APBB2: variants seen among roughly 807,000 people sequenced by gnomAD.
APBB2 encodes the protein amyloid beta precursor protein binding family B member 2, also known as Fe65-like 1.
A neutral mutation model predicts 82.5 loss-of-function variants in APBB2; 38 were observed. The observed-to-expected ratio is 0.46, with a 90% CI of 0.36 to 0.60. APBB2 has a LOEUF of 0.60. Ranked by LOEUF, APBB2 falls within the 20% of genes least tolerant of loss-of-function variation. The pLI is 0.00. For missense variants in APBB2, 772 were observed against 972.3 expected, an observed-to-expected ratio of 0.79 and a Z score of 2.74; for synonymous variants, 341 against 368.2, an observed-to-expected ratio of 0.93 and a Z score of 0.85.
At chr4:41,161,506 T>A (rs2154040044) in intron 1 of APBB2, among the ~76,000 whole-genome samples, 1 of 152,264 alleles carries the variant, frequency 6.6e-6, no homozygotes, top group African/African-American at 2.4e-5. Flanking sequence ...CTCAGGAGGC[T>A]GAGGTGGGAG....
At chr4:40,949,126 C>T (rs189158468) in intron 6 of APBB2, among the ~76,000 whole-genome samples, 1 of 152,002 alleles carries the variant, frequency 6.6e-6, no homozygotes, top group East Asian at 1.9e-4. Flanking sequence ...AAAAATTAGT[C>T]GGGCATGGTG....
intron 12 of APBB2, among the ~76,000 whole-genome samples, chr4:40,887,313 T>A (rs1340347495): frequency 6.6e-6 from 1 of 152,236 alleles, no homozygotes; most frequent in Non-Finnish European, 1.5e-5. Context: ...ACTCTGGATT[T>A]GCAGAAAGAT....
chr4:41,145,149 G>T (rs559259702), intron 1 of APBB2, among the ~76,000 whole-genome samples: 1 of 152,140 alleles, frequency 6.6e-6, no homozygotes, highest in South Asian at 2.1e-4. Context: ...ATAAATAAAA[G>T]AATGCCTCCT....
At chr4:41,033,627 A>G (rs1459038201) in intron 4 of APBB2, among the ~76,000 whole-genome samples, 1 of 106,654 alleles carries the variant, frequency 9.4e-6, no homozygotes, top group Non-Finnish European at 2.2e-5. Flanking sequence ...CACACAATTC[A>G]GCACCACTAC....
intron 5 of APBB2, among the ~76,000 whole-genome samples, chr4:41,015,664 T>C (rs1809697960): frequency 6.6e-6 from 1 of 152,190 alleles, no homozygotes; most frequent in East Asian, 1.9e-4. Context: ...CTCTAGGCCA[T>C]GGCCATTTTT....
chr4:41,000,084 T>TGC (rs1390461340), intron 6 of APBB2, among the ~76,000 whole-genome samples: 2 of 138,372 alleles, frequency 1.4e-5, no homozygotes, highest in Non-Finnish European at 3.1e-5. Context: ...TGTGTGTGTG[T>TGC]GTGTGTGTGT....
rs1748042383 is a variant in APBB2, at chr4:40,821,808, G to T, written c.2112+63C>A. On this transcript the variant is annotated intron_variant, in intron 17 of 17. Coordinates refer to ENST00000508593, the MANE Select transcript of APBB2 (RefSeq NM_004307.2). The stretch of plus-strand genomic sequence containing the variant: ...TTTCCGTGAGTGATTCTGCTATAAT[G>T]TATGGCATATTAGAGATGAGCAGAG... 2.6e-6 allele frequency: 4 copies of T among 1,567,706 alleles called. No individual in the cohort carries two copies. In the Admixed American group the frequency reaches 5.2e-5, roughly 21 times the overall value.
intron 10 of APBB2, among the ~76,000 whole-genome samples, chr4:40,919,236 A>G (rs1032974439): frequency 6.6e-6 from 1 of 152,220 alleles, no homozygotes; most frequent in Non-Finnish European, 1.5e-5. Flanking sequence ...ACGCACATGC[A>G]CTTACTAAAT....
Position 41,075,837 on chromosome 4 carries a change from CA to C in APBB2, c.-148-10165del, listed in dbSNP as rs1196173306. ...ACCAACAAAACAGTATCACTTAGTT[CA>C]TTTTGACAGTGAGAGTAATAATCTC... On this transcript the variant is annotated intron_variant, in intron 3 of 17. Transcript: ENST00000508593. Among the ~76,000 whole-genome samples, 23 of 152,164 alleles carry C rather than the reference CA, an allele frequency of 1.5e-4. 2 individuals are homozygous for C. The highest frequency in any genetic ancestry group is 2.9e-5 in the Non-Finnish European group (2 of 68,036).
intron 6 of APBB2, among the ~76,000 whole-genome samples, chr4:40,966,569 G>A (rs1263353854): frequency 6.6e-6 from 1 of 152,206 alleles, no homozygotes; most frequent in East Asian, 1.9e-4. Flanking sequence ...TGCAGGCTCA[G>A]AAGTGCCTGT....
At position 41,171,005 on chromosome 4, in the gene APBB2, C is replaced by A. The variant is rs1768086417; in HGVS notation, c.-416-27863G>T. On this transcript the variant is annotated intron_variant, in intron 1 of 17. Coordinates refer to ENST00000508593, the MANE Select transcript of APBB2 (RefSeq NM_004307.2). ...AACATCCAGTGACTCAAGTATCAGTCCCCTTGACAGGTCTGCAGGGATGGC... is the reference window on the plus strand; with the variant it reads ...AACATCCAGTGACTCAAGTATCAGTACCCTTGACAGGTCTGCAGGGATGGC... Among the ~76,000 whole-genome samples, 5 of 152,314 alleles carry A rather than the reference C, an allele frequency of 3.3e-5. No individual in the cohort carries two copies. The South Asian group carries it at 1.0e-3, about 32-fold the overall frequency.
chr4:41,015,543 G>A (rs1809665229), intron 5 of APBB2, among the ~76,000 whole-genome samples: 1 of 152,214 alleles, frequency 6.6e-6, no homozygotes, highest in South Asian at 2.1e-4. Context: ...TTGTTTGGGA[G>A]CTTAGAGGTA....
intron 11 of APBB2, chr4:40,892,544 T>C (rs1433633082): frequency 6.6e-6 from 1 of 152,192 alleles, no homozygotes; most frequent in African/African-American, 2.4e-5. Context: ...CACTGCTCTG[T>C]TCACTAGAAG....
At chr4:41,194,149 C>CA in intron 1 of APBB2, 464 of 130,800 alleles carry the variant, frequency 3.5e-3, no homozygotes, top group South Asian at 0.013. Context: ...TGCATCTCTA[C>CA]AAAAAAAAAA....
At chr4:40,926,501 G>A (rs889891537) in intron 10 of APBB2, among the ~76,000 whole-genome samples, 6 of 151,736 alleles carry the variant, frequency 4.0e-5, no homozygotes, top group Non-Finnish European at 7.4e-5. Flanking sequence ...GCTGGCATGC[G>A]GTGGCGCGAT....
chr4:41,199,504 G>T (rs1250346345), intron 1 of APBB2, among the ~76,000 whole-genome samples: 1 of 152,100 alleles, frequency 6.6e-6, no homozygotes, highest in Non-Finnish European at 1.5e-5. Context: ...TCCTTTTCTT[G>T]CACTAAAGCA....
intron 10 of APBB2, among the ~76,000 whole-genome samples, chr4:40,926,605 C>A (rs1455521187): frequency 6.6e-6 from 1 of 152,234 alleles, no homozygotes; most frequent in African/African-American, 2.4e-5. Flanking sequence ...GCATGTGCCA[C>A]CACGCCCAGC....
chr4:41,116,249 G>T (rs541101937), intron 2 of APBB2, among the ~76,000 whole-genome samples: 2 of 152,178 alleles, frequency 1.3e-5, no homozygotes, highest in Admixed American at 6.5e-5. Flanking sequence ...TCACTCATGG[G>T]TGGGAGTTGA....
intron 12 of APBB2, among the ~76,000 whole-genome samples, chr4:40,839,611 C>G (rs1229351213): frequency 6.6e-6 from 1 of 151,810 alleles, no homozygotes; most frequent in East Asian, 1.9e-4. Context: ...AAAAAGAAGT[C>G]AAACAAAAAG....
Sources: allele counts gnomAD v4.1 joint callset (sites outside exome capture counted in the v4.1 genomes callset), GRCh38; gene constraint gnomAD v4.1.1; transcripts MANE v1.5; gene names NCBI Gene and HGNC (gene_info 2026-07-23, HGNC 2026-07-21).